The following PAWR variants were observed in gnomAD, a reference collection of about 807,000 sequenced individuals.
PAWR encodes PRKC apoptosis WT1 regulator protein.
A neutral mutation model predicts 32.0 loss-of-function variants in PAWR; 23 were observed. That is an observed-to-expected ratio of 0.72 (90% CI 0.52 to 1.02). PAWR has a LOEUF of 1.02. Ranked by LOEUF, PAWR falls within the 50% of genes least tolerant of loss-of-function variation. The pLI, the probability that PAWR is intolerant of heterozygous loss-of-function variation, is 0.00. For synonymous variants in PAWR, 226 were observed against 187.1 expected (o/e 1.21, Z -1.70); for missense variants, 457 against 437.7 (o/e 1.04, Z -0.39).
chr12:79,653,604 C>T (rs984666269), intron 2 of PAWR, among the ~76,000 whole-genome samples: 1 of 152,150 alleles, frequency 6.6e-6, no homozygotes, highest in African/African-American at 2.4e-5. Context: ...CTCAGCCTCC[C>T]GAGTAGCTGG....
intron 2 of PAWR, among the ~76,000 whole-genome samples, chr12:79,681,994 C>G (rs1003050778): frequency 6.6e-6 from 1 of 152,166 alleles, no homozygotes; most frequent in African/African-American, 2.4e-5. Flanking sequence ...ATGTAACCTG[C>G]AAATTCTAAA....
At chr12:79,657,886 T>C (rs1877171809) in intron 2 of PAWR, among the ~76,000 whole-genome samples, 1 of 150,568 alleles carries the variant, frequency 6.6e-6, no homozygotes, top group Non-Finnish European at 1.5e-5. Flanking sequence ...TATGAAGGAA[T>C]GTCCAAAGAA....
chr12:79,605,607 G>C (rs1348204199), intron 4 of PAWR, among the ~76,000 whole-genome samples: 1 of 151,732 alleles, frequency 6.6e-6, no homozygotes, highest in Non-Finnish European at 1.5e-5. Flanking sequence ...ACTTGTACAT[G>C]AATGTTCACA....
intron 4 of PAWR, among the ~76,000 whole-genome samples, chr12:79,598,141 C>A (rs375774033): frequency 6.6e-6 from 1 of 152,208 alleles, no homozygotes; most frequent in Admixed American, 6.5e-5. Flanking sequence ...TACTATCACA[C>A]TGACCTTATT....
chr12:79,605,618 G>A (rs1874146335), intron 4 of PAWR, among the ~76,000 whole-genome samples: 1 of 151,840 alleles, frequency 6.6e-6, no homozygotes, highest in South Asian at 2.1e-4. Context: ...AATGTTCACA[G>A]CGTATTGCCT....
rs535901266 is a variant in PAWR at position 79,618,677 on chromosome 12, C to T, written c.648+2399G>A. On this transcript the variant is annotated intron_variant, in intron 3 of 6. Transcript: ENST00000328827. ...ATTCCACATATAAGTGAGATCACTG[C>T]GACAAAATGGATGACGGCAGAGGAC... is the stretch of plus-strand genomic sequence containing the variant. Among the ~76,000 whole-genome samples, 13 of 152,152 alleles carry T rather than the reference C, an allele frequency of 8.5e-5. No homozygotes were observed. The East Asian group carries it at 2.5e-3, about 29-fold the overall frequency.
chr12:79,613,509 T>A (rs925806057), intron 4 of PAWR, 66 bp downstream of exon 4: 1 of 825,292 alleles, frequency 1.2e-6, no homozygotes, highest in Non-Finnish European at 2.0e-6. Context: ...ATAGTTCTAG[T>A]TAAGTCAATG....
chr12:79,634,347 C>T (rs1165395197), intron 2 of PAWR, among the ~76,000 whole-genome samples: 2 of 151,944 alleles, frequency 1.3e-5, no homozygotes, highest in East Asian at 1.9e-4. Flanking sequence ...AACTACAAGA[C>T]AAGAACTCAG....
At chr12:79,670,723 G>C (rs546861932) in intron 2 of PAWR, among the ~76,000 whole-genome samples, 2 of 152,056 alleles carry the variant, frequency 1.3e-5, no homozygotes, top group Admixed American at 1.3e-4. Flanking sequence ...TAAAACTTCA[G>C]TTCACAATAA....
chr12:79,682,784 A>C (rs1053289493), intron 2 of PAWR, among the ~76,000 whole-genome samples: 4 of 152,352 alleles, frequency 2.6e-5, no homozygotes, highest in East Asian at 3.9e-4. Context: ...ATCTAAACAG[A>C]AAGTTGACTC....
At chr12:79,657,420 TAA>T (rs34575494) in intron 2 of PAWR, among the ~76,000 whole-genome samples, 1 of 142,600 alleles carries the variant, frequency 7.0e-6, no homozygotes, top group Admixed American at 7.0e-5. Flanking sequence ...TCAATATATT[TAA>T]AAAAAAAAAA....
intron 2 of PAWR, among the ~76,000 whole-genome samples, chr12:79,630,578 C>G (rs1777991244): frequency 1.3e-5 from 2 of 152,162 alleles, no homozygotes. Flanking sequence ...GCTGGGATTA[C>G]AGGTGTGGGC....
At chr12:79,677,699 G>A (rs1344239782) in intron 2 of PAWR, among the ~76,000 whole-genome samples, 1 of 152,074 alleles carries the variant, frequency 6.6e-6, no homozygotes, top group East Asian at 1.9e-4. Flanking sequence ...GATACTACCA[G>A]GAAGGAGGGA....
rs8176887 is a variant in PAWR, at chr12:79,612,403, T to C, written c.683+1172A>G. 6.5e-4 allele frequency among the ~76,000 whole-genome samples: 99 copies of C among 152,256 alleles called. 1 individual carries two copies. Among genetic ancestry groups the C allele is most frequent in the African/African-American group, 2.3e-3 (95 of 41,570 alleles). On this transcript the variant is annotated intron_variant, in intron 4 of 6. Transcript: ENST00000328827. The stretch of plus-strand genomic sequence containing the variant: ...ATAATATTGGTTAATGAATGTTTTA[T>C]TTTAGATGAAACAGCTGAAATATTT...
intron 1 of PAWR, 100 bp from the exon 2 acceptor site, chr12:79,690,491 C>T: frequency 1.6e-6 from 1 of 630,540 alleles, no homozygotes; most frequent in Non-Finnish European, 2.3e-6. Flanking sequence ...TCCTCGAGCG[C>T]GCCCACCAGT....
At chr12:79,686,912 C>G (rs1184028298) in intron 2 of PAWR, among the ~76,000 whole-genome samples, 1 of 152,064 alleles carries the variant, frequency 6.6e-6, no homozygotes, top group Non-Finnish European at 1.5e-5. Context: ...TAGATTATAG[C>G]CTTGCTCCTT....
intron 2 of PAWR, among the ~76,000 whole-genome samples, chr12:79,683,329 A>G (rs925517387): frequency 6.6e-6 from 1 of 152,202 alleles, no homozygotes; most frequent in Non-Finnish European, 1.5e-5. Flanking sequence ...TCATGTAACA[A>G]TCCTGTTAGA....
intron 2 of PAWR, among the ~76,000 whole-genome samples, chr12:79,648,737 C>T (rs1016189194): frequency 2.0e-5 from 3 of 149,800 alleles, no homozygotes; most frequent in Non-Finnish European, 4.4e-5. Flanking sequence ...TGCAATGAGC[C>T]ATGACTATGC....
chr12:79,664,876 C>T (rs558813323), intron 2 of PAWR, among the ~76,000 whole-genome samples: 2 of 152,078 alleles, frequency 1.3e-5, no homozygotes, highest in South Asian at 4.2e-4. Context: ...AATACATCTA[C>T]TATTGCTGTA....
Sources: gnomAD v4.1 joint callset for allele counts (sites outside exome capture counted in the v4.1 genomes callset) on GRCh38, gnomAD v4.1.1 for gene constraint, MANE v1.5 for transcripts, NCBI Gene and HGNC (gene_info 2026-07-23, HGNC 2026-07-21) for gene names.